MAGI1: variants seen among roughly 807,000 people sequenced by gnomAD.
MAGI1 encodes the protein membrane-associated guanylate kinase, WW and PDZ domain-containing protein 1.
Under a neutral mutation model 139.9 loss-of-function variants are expected in MAGI1, and 58 were observed. The observed-to-expected ratio is 0.41, with a 90% confidence interval of 0.34 to 0.52. MAGI1 has a LOEUF of 0.52. Among genes scored for constraint, MAGI1 ranks in the 20% least tolerant of loss-of-function variants. The pLI, the probability that MAGI1 is intolerant of heterozygous loss-of-function variation, is 0.12. For missense variants in MAGI1, 1,874 were observed against 1,901.6 expected (o/e 0.99, Z 0.27); for synonymous variants, 812 against 737.9 (o/e 1.10, Z -1.63).
chr3:65,382,024 C>T lies in MAGI1; in HGVS notation c.2554G>A (p.Gly852Ser), dbSNP rs764151093. ...AATTCATCTCCAGACCTCAGGCGGC[C>T]GTCAGTATCAGCAGCACCCAGTGGT... ...IVPLGAADTD[G>S]RLRSGDELIC... is the part of the protein sequence containing the mutation. The change falls in exon 16 of 23, where the codon GGC becomes AGC. Residue 852 changes from glycine to serine, a missense_variant. By Grantham distance (56) the Gly-to-Ser change is moderately conservative. Coordinates refer to ENST00000402939, the MANE Select transcript of MAGI1 (RefSeq NM_001033057.2). The T allele has an allele frequency of 8.7e-6, 14 of 1,613,844 alleles. No homozygotes were observed. The highest frequency in any genetic ancestry group is 2.2e-5 in the South Asian group (2 of 91,056).
intron 1 of MAGI1, among the ~76,000 whole-genome samples, chr3:65,920,061 A>G (rs1389211126): frequency 1.3e-5 from 2 of 152,228 alleles, no homozygotes; most frequent in African/African-American, 2.4e-5. Flanking sequence ...AAAGCTCTGA[A>G]TCAGTGAACA....
chr3:65,820,933 G>C (rs1416549910), intron 1 of MAGI1, among the ~76,000 whole-genome samples: 1 of 152,126 alleles, frequency 6.6e-6, no homozygotes, highest in Non-Finnish European at 1.5e-5. Flanking sequence ...TTTTCTGACT[G>C]GGTCACATGC....
chr3:65,728,608 T>C (rs2107720044), intron 1 of MAGI1, among the ~76,000 whole-genome samples: 1 of 152,286 alleles, frequency 6.6e-6, no homozygotes. Context: ...TAGATAGTCA[T>C]TCAGCTAAGC....
intron 2 of MAGI1, among the ~76,000 whole-genome samples, chr3:65,532,022 C>T (rs2078737431): frequency 6.6e-6 from 1 of 152,154 alleles, no homozygotes; most frequent in Non-Finnish European, 1.5e-5. Flanking sequence ...TCTAGTATAA[C>T]CCCACCACCA....
intron 1 of MAGI1, among the ~76,000 whole-genome samples, chr3:65,944,620 AGAAG>A (rs1442460278): frequency 6.6e-6 from 1 of 152,210 alleles, no homozygotes; most frequent in Non-Finnish European, 1.5e-5. Flanking sequence ...GAGAAAGAAC[AGAAG>A]GAAGGAAAAG....
At chr3:65,906,055 T>C (rs1405862923) in intron 1 of MAGI1, among the ~76,000 whole-genome samples, 5 of 152,266 alleles carry the variant, frequency 3.3e-5, no homozygotes, top group Non-Finnish European at 2.9e-5. Context: ...AACATCACTA[T>C]ATTTGAGCAT....
At chr3:66,001,185 G>A (rs924910684) in intron 1 of MAGI1, among the ~76,000 whole-genome samples, 1 of 152,152 alleles carries the variant, frequency 6.6e-6, no homozygotes, top group Admixed American at 6.5e-5. Context: ...TGGTATTTGA[G>A]CTCAGTCTTG....
At chr3:65,644,416 C>CAAAAAAA (rs750068803) in intron 1 of MAGI1, among the ~76,000 whole-genome samples, 39 of 102,836 alleles carry the variant, frequency 3.8e-4, no homozygotes, top group African/African-American at 1.1e-3. Flanking sequence ...AACCTCAGCC[C>CAAAAAAA]AAAAAAAAAA....
chr3:65,676,445 A>G (rs762277295), intron 1 of MAGI1, among the ~76,000 whole-genome samples: 2 of 152,200 alleles, frequency 1.3e-5, no homozygotes, highest in Non-Finnish European at 2.9e-5. Context: ...TAAATTTCTG[A>G]ATCCTCAGAT....
intron 1 of MAGI1, among the ~76,000 whole-genome samples, chr3:65,671,456 G>C (rs1311488001): frequency 6.6e-6 from 1 of 152,110 alleles, no homozygotes; most frequent in Non-Finnish European, 1.5e-5. Context: ...AATGCCCCCT[G>C]CAATTCAAAA....
intron 1 of MAGI1, among the ~76,000 whole-genome samples, chr3:65,706,504 G>A (rs1201183293): frequency 2.0e-5 from 3 of 152,286 alleles, no homozygotes; most frequent in Admixed American, 1.3e-4. Context: ...GGAAACTGTC[G>A]AAAATGAGCC....
intron 2 of MAGI1, among the ~76,000 whole-genome samples, chr3:65,557,683 T>C (rs2080151887): frequency 6.6e-6 from 1 of 152,320 alleles, no homozygotes; most frequent in Non-Finnish European, 1.5e-5. Flanking sequence ...ACGAAATCGA[T>C]CAGTGCCAGT....
At chr3:65,795,000 A>C (rs1413170343) in intron 1 of MAGI1, among the ~76,000 whole-genome samples, 2 of 152,228 alleles carry the variant, frequency 1.3e-5, no homozygotes, top group African/African-American at 2.4e-5. Flanking sequence ...AATGCTAATG[A>C]GATACCACCA....
chr3:65,964,634 G>A (rs2064644713), intron 1 of MAGI1, among the ~76,000 whole-genome samples: 1 of 152,146 alleles, frequency 6.6e-6, no homozygotes, highest in African/African-American at 2.4e-5. Context: ...TTTCAAGGCA[G>A]GGCTATCGCC....
At position 65,764,676 on chromosome 3, in the gene MAGI1, A is replaced by AT. The variant is rs1414556049; in HGVS notation, c.314-142589dup. ...AGCAGACATCTACCATCCACCATAA[A>AT]TCAGCTTCCTTTTTCTTTTTCTTTT... On this transcript the variant is annotated intron_variant, in intron 1 of 22. Transcript: ENST00000402939. Among the ~76,000 whole-genome samples, 3 of 152,142 alleles carry AT rather than the reference A, an allele frequency of 2.0e-5. No individual in the cohort carries two copies. The East Asian group carries it at 5.8e-4, about 29-fold the overall frequency.
intron 1 of MAGI1, among the ~76,000 whole-genome samples, chr3:65,970,211 C>A (rs1387342168): frequency 5.3e-5 from 8 of 152,172 alleles, no homozygotes; most frequent in African/African-American, 1.9e-4. Context: ...ACCTTGAAGA[C>A]ATTTTGCTAA....
intron 2 of MAGI1, among the ~76,000 whole-genome samples, chr3:65,521,445 A>G (rs2078152115): frequency 6.6e-6 from 1 of 152,196 alleles, no homozygotes; most frequent in Non-Finnish European, 1.5e-5. Flanking sequence ...AGCAAGTACA[A>G]GAGATGTTTA....
At chr3:65,826,865 A>G (rs141274813) in intron 1 of MAGI1, among the ~76,000 whole-genome samples, 389 of 152,318 alleles carry the variant, frequency 2.6e-3, no homozygotes, top group African/African-American at 8.8e-3. Context: ...CATTACTGAG[A>G]GGAATAAGGA....
intron 2 of MAGI1, among the ~76,000 whole-genome samples, chr3:65,551,580 G>A (rs2079836229): frequency 6.6e-6 from 1 of 152,170 alleles, no homozygotes; most frequent in South Asian, 2.1e-4. Context: ...GATTACAGGC[G>A]TGAGCCACCA....
Sources: allele counts gnomAD v4.1 joint callset (sites outside exome capture counted in the v4.1 genomes callset), GRCh38; gene constraint gnomAD v4.1.1; transcripts MANE v1.5; gene names NCBI Gene and HGNC (gene_info 2026-07-23, HGNC 2026-07-21).